EPN2: variants seen among roughly 807,000 people sequenced by gnomAD.
EPN2 encodes the protein epsin 2.
Under a neutral mutation model 61.7 loss-of-function variants are expected in EPN2, and 34 were observed. That is an observed-to-expected ratio of 0.55 (90% CI 0.42 to 0.73). The LOEUF (loss-of-function observed/expected upper bound fraction) is 0.73, where lower values mean the gene tolerates loss of function less well. Ranked by LOEUF, EPN2 falls within the 30% of genes least tolerant of loss-of-function variation. The pLI, the probability that EPN2 is intolerant of heterozygous loss-of-function variation, is 0.00. For synonymous variants in EPN2, 349 were observed against 353.6 expected, an observed-to-expected ratio of 0.99 and a Z score of 0.15; for missense variants, 714 against 839.2, an observed-to-expected ratio of 0.85 and a Z score of 1.84.
intron 5 of EPN2, 34 bp downstream of exon 5, chr17:19,310,031 C>T (rs942656645): frequency 1.2e-5 from 18 of 1,462,890 alleles, no homozygotes; most frequent in Non-Finnish European, 1.4e-5. Context: ...ACTGCATTGA[C>T]TGCCCATGCT....
At chr17:19,312,468 C>T (rs948527606) in intron 6 of EPN2, among the ~76,000 whole-genome samples, 1 of 152,234 alleles carries the variant, frequency 6.6e-6, no homozygotes, top group Non-Finnish European at 1.5e-5. Flanking sequence ...TTTCCTGCAG[C>T]AGGGTGTGCC....
At chr17:19,313,472 T>G (rs1195752325) in intron 7 of EPN2, 193 bp downstream of exon 7, 14 of 448,208 alleles carry the variant, frequency 3.1e-5, no homozygotes, top group Non-Finnish European at 4.7e-5. Context: ...TGTTCCCTCT[T>G]TGTTTTGAGT....
rs1030083661 is a variant in EPN2, at chr17:19,285,921, C to T, written c.766+131C>T. ...CTGGGGGTTTGGCCTCCAGCAGGCC[C>T]AGGAGCCCTTTCTTCCTCTCTCCTG... On this transcript the variant is annotated intron_variant, in intron 4 of 10. Coordinates refer to ENST00000314728, the MANE Select transcript of EPN2 (RefSeq NM_014964.5). The surrounding 1 kb of genome is among the most constrained non-coding windows in gnomAD (Gnocchi z 4.5). 1 of 1,400,566 alleles carries T rather than the reference C, an allele frequency of 7.1e-7. No homozygotes were observed. Among genetic ancestry groups the T allele is most frequent in the Non-Finnish European group, 9.3e-7 (1 of 1,071,556 alleles). 86.8% of individuals were successfully genotyped at this position (1,400,566 alleles called of 1,614,324 possible). A position where few individuals can be genotyped will look rare whatever the true frequency, so the allele number is the denominator to read the frequency against.
At chr17:19,253,218 T>C (rs1204037223) in intron 1 of EPN2, among the ~76,000 whole-genome samples, 1 of 152,218 alleles carries the variant, frequency 6.6e-6, no homozygotes, top group African/African-American at 2.4e-5. Context: ...AATGCAGTTA[T>C]ACAATATCTG....
rs1294470172 is a variant in EPN2 at position 19,285,821 on chromosome 17, A to G, written c.766+31A>G. 6.5e-7 allele frequency: 1 copy of G among 1,532,014 alleles called. No homozygotes were observed. The highest frequency in any genetic ancestry group is 8.8e-7 in the Non-Finnish European group (1 of 1,133,418). 94.9% of individuals were successfully genotyped at this position (1,532,014 alleles called of 1,614,324 possible). ...ACGGCGGTTTGCTTTTTTCCTTACT[A>G]GAAATGCTGGGCAGCTTGCTGGGGG... On this transcript the variant is annotated intron_variant, in intron 4 of 10. Transcript: ENST00000314728. This position sits in a 1 kb window ranked among gnomAD's most constrained non-coding sequence, Gnocchi z 4.5.
chr17:19,270,169 A>G (rs2045239248), intron 1 of EPN2, among the ~76,000 whole-genome samples: 1 of 152,130 alleles, frequency 6.6e-6, no homozygotes, highest in African/African-American at 2.4e-5. Flanking sequence ...CCTCCATAGG[A>G]TTGTTATGAA....
chr17:19,258,343 G>A (rs140577841), intron 1 of EPN2, among the ~76,000 whole-genome samples: 147 of 152,266 alleles, frequency 9.7e-4, no homozygotes, highest in African/African-American at 2.8e-3. Flanking sequence ...ATGAGAGAGT[G>A]GGACTAAGTG....
intron 1 of EPN2, among the ~76,000 whole-genome samples, chr17:19,252,202 C>T (rs898011971): frequency 6.6e-6 from 1 of 152,104 alleles, no homozygotes; most frequent in African/African-American, 2.4e-5. Context: ...AACTGGGGCT[C>T]TGATTGTTTT....
intron 1 of EPN2, among the ~76,000 whole-genome samples, chr17:19,268,240 G>C (rs1326461062): frequency 6.6e-6 from 1 of 152,192 alleles, no homozygotes; most frequent in African/African-American, 2.4e-5. Flanking sequence ...TGCTCCCCCA[G>C]TCTAGACAGG....
chr17:19,246,887 C>G (rs903597415), intron 1 of EPN2, among the ~76,000 whole-genome samples: 2 of 151,458 alleles, frequency 1.3e-5, no homozygotes, highest in African/African-American at 4.9e-5. Context: ...CCTGTCTCAG[C>G]CTCCCAAGTA....
intron 1 of EPN2, among the ~76,000 whole-genome samples, chr17:19,243,037 T>A (rs1174990603): frequency 6.6e-6 from 1 of 152,168 alleles, no homozygotes; most frequent in Non-Finnish European, 1.5e-5. Flanking sequence ...TTGGGCACTT[T>A]AATCACTGAG....
At chr17:19,294,276 G>A (rs1161039483) in intron 4 of EPN2, among the ~76,000 whole-genome samples, 1 of 150,226 alleles carries the variant, frequency 6.7e-6, no homozygotes, top group Non-Finnish European at 1.5e-5. Flanking sequence ...AAATTAACCA[G>A]GCATGGTGGT....
chr17:19,243,347 A>G (rs1431565870), intron 1 of EPN2, among the ~76,000 whole-genome samples: 1 of 137,706 alleles, frequency 7.3e-6, no homozygotes, highest in Non-Finnish European at 1.5e-5. Flanking sequence ...CTTCCTGAGT[A>G]GCTGGGATTA....
chr17:19,256,428 A>G (rs1272246356), intron 1 of EPN2, among the ~76,000 whole-genome samples: 2 of 151,502 alleles, frequency 1.3e-5, no homozygotes, highest in South Asian at 2.1e-4. Context: ...TCAAAAAAAA[A>G]AAAAAAAAAA....
In EPN2 at chr17:19,335,548, C is replaced by T. The variant is rs1023538066; in HGVS notation, c.*1294C>T. 62 of 1,436,426 alleles carry T rather than the reference C, an allele frequency of 4.3e-5. No homozygotes were observed. Among genetic ancestry groups the T allele is most frequent in the Non-Finnish European group, 5.2e-5 (55 of 1,063,020 alleles). The allele number at this position is 1,436,426 out of a possible 1,614,324, so 89.0% of individuals were successfully genotyped here. A position where few individuals can be genotyped will look rare whatever the true frequency, so the allele number is the denominator to read the frequency against. On this transcript the variant is annotated 3_prime_UTR_variant, in exon 11 of 11. Coordinates refer to ENST00000314728, the MANE Select transcript of EPN2 (RefSeq NM_014964.5). ...GATAATGTGGAAATGGCAGTTGTCC[C>T]GAGGGCGTGGGGTGGGGGGTGCTTC... is the stretch of plus-strand genomic sequence containing the variant.
intron 4 of EPN2, chr17:19,297,248 GC>G (rs1162040875): frequency 2.0e-5 from 3 of 152,204 alleles, no homozygotes; most frequent in African/African-American, 7.2e-5. Context: ...CTGTCTGTGG[GC>G]AAAGCATGCA....
In EPN2 at chr17:19,289,801, A is replaced by C. The variant is rs60272962; in HGVS notation, c.766+4011A>C. Among the ~76,000 whole-genome samples the C allele has an allele frequency of 7.4e-3, 942 of 127,570 alleles. 52 individuals carry two copies. The East Asian group carries it at 0.14, about 19-fold the overall frequency. The allele number at this position is 127,570 out of a possible 152,430, so 83.7% of individuals were successfully genotyped here. On this transcript the variant is annotated intron_variant, in intron 4 of 10. Coordinates refer to ENST00000314728, the MANE Select transcript of EPN2 (RefSeq NM_014964.5). ...GAGTGTAGTGGGGTGATCTGGGCTC[A>C]CTGCAACCTCCGCCTAGCTGGCTTC...
chr17:19,242,770 A>G (rs895779932), intron 1 of EPN2, among the ~76,000 whole-genome samples: 1 of 152,266 alleles, frequency 6.6e-6, no homozygotes, highest in Admixed American at 6.5e-5. Context: ...AGAACAGGGA[A>G]AAGTAGGCTC....
chr17:19,336,017 T>C lies in EPN2; in HGVS notation c.*1763T>C, dbSNP rs1405628793. 2 of 152,550 alleles carry C rather than the reference T, an allele frequency of 1.3e-5. No individual in the cohort carries two copies. The highest frequency in any genetic ancestry group is 3.9e-4 in the East Asian group (2 of 5,192). The allele number at this position is 152,550 out of a possible 1,614,324, so 9.4% of individuals were successfully genotyped here. A position where few individuals can be genotyped will look rare whatever the true frequency, so the allele number is the denominator to read the frequency against. On this transcript the variant is annotated 3_prime_UTR_variant, in exon 11 of 11. Coordinates refer to ENST00000314728, the MANE Select transcript of EPN2 (RefSeq NM_014964.5). ...CAGCCCCTCTCTGGTTCCAGAAGAT[T>C]ACCCTTCGCACCGGCACAGGAGAGA... is the stretch of plus-strand genomic sequence containing the variant.
Sources: gnomAD v4.1 joint callset for allele counts (sites outside exome capture counted in the v4.1 genomes callset) on GRCh38, gnomAD v4.1.1 for gene constraint, Gnocchi (gnomAD v3.1) non-coding constraint, MANE v1.5 for transcripts, NCBI Gene and HGNC (gene_info 2026-07-23, HGNC 2026-07-21) for gene names.